TMC5: variants seen among roughly 807,000 people sequenced by gnomAD.
TMC5 encodes transmembrane channel-like protein 5.
TMC5 carries 86 observed loss-of-function variants against 110.5 expected under a neutral mutation model. The observed-to-expected ratio is 0.78, with a 90% confidence interval of 0.65 to 0.93. TMC5 has a LOEUF of 0.93. Ranked by LOEUF, TMC5 falls within the 40% of genes least tolerant of loss-of-function variation. The probability of loss-of-function intolerance (pLI) is 0.00; values close to 1 mark genes in which losing one functional copy is unlikely to be tolerated. For synonymous variants in TMC5, 455 were observed against 439.5 expected (o/e 1.04, Z -0.44); for missense variants, 1,144 against 1,222.8 (o/e 0.94, Z 0.96).
chr16:19,474,364 A>T (rs1597205918), intron 12 of TMC5, 88 bp downstream of exon 12: 2 of 1,445,796 alleles, frequency 1.4e-6, no homozygotes, highest in Non-Finnish European at 1.9e-6. Flanking sequence ...TTTAGTATCA[A>T]AGTTTTTTCT....
At chr16:19,484,561 A>G (rs1054653006) in intron 15 of TMC5, among the ~76,000 whole-genome samples, 3 of 152,188 alleles carry the variant, frequency 2.0e-5, no homozygotes, top group Non-Finnish European at 4.4e-5. Context: ...CAGGAGTTCA[A>G]GACCAGCCTG....
upstream of TMC5, among the ~76,000 whole-genome samples, chr16:19,415,472 G>C (rs1438812460): frequency 6.6e-6 from 1 of 152,098 alleles, no homozygotes; most frequent in Non-Finnish European, 1.5e-5. Flanking sequence ...ATAGAAGCCG[G>C]ACATACTGCT....
chr16:19,473,688 T>C (rs1020567331), intron 11 of TMC5, among the ~76,000 whole-genome samples: 1 of 151,968 alleles, frequency 6.6e-6, no homozygotes, highest in African/African-American at 2.4e-5. Flanking sequence ...CTTAACAAAA[T>C]AGTTAACCTA....
intron 6 of TMC5, among the ~76,000 whole-genome samples, chr16:19,462,054 G>A (rs1968037017): frequency 6.6e-6 from 1 of 152,164 alleles, no homozygotes. Context: ...AGCTAGGAAA[G>A]AACCAGAACA....
chr16:19,496,590 A>G (rs1469836691), intron 20 of TMC5, among the ~76,000 whole-genome samples: 1 of 152,088 alleles, frequency 6.6e-6, no homozygotes, highest in African/African-American at 2.4e-5. Context: ...TGCTCAGTGA[A>G]TATCTGTGGA....
chr16:19,440,156 G>A lies in TMC5; in HGVS notation c.118G>A (p.Gly40Ser), dbSNP rs368835325. Residue 40 changes from glycine to serine, a missense_variant, in exon 3 of 22, where the codon GGT becomes AGT. Coordinates refer to ENST00000542583, the MANE Select transcript of TMC5 (RefSeq NM_001261841.2). Reference protein sequence around the residue: ...LKTQGYPDVPGPLNNPDYPGT... With the variant: ...LKTQGYPDVPSPLNNPDYPGT... The stretch of plus-strand genomic sequence containing the variant: ...AACTCAAGGTTATCCAGATGTTCCA[G>A]GTCCTCTGAACAATCCAGACTACCC... The A allele has an allele frequency of 6.2e-7, 1 of 1,614,104 alleles. No individual in the cohort carries two copies. Among genetic ancestry groups the A allele is most frequent in the Non-Finnish European group, 8.5e-7 (1 of 1,180,018 alleles).
chr16:19,419,836 T>C (rs1966945115), intron 1 of TMC5, among the ~76,000 whole-genome samples: 1 of 152,132 alleles, frequency 6.6e-6, no homozygotes, highest in African/African-American at 2.4e-5. Flanking sequence ...CAATGAATCA[T>C]ATTTGCCAAG....
intron 4 of TMC5, among the ~76,000 whole-genome samples, chr16:19,446,909 CCTT>C (rs931883266): frequency 1.3e-5 from 2 of 152,124 alleles, no homozygotes; most frequent in African/African-American, 4.8e-5. Flanking sequence ...AGTGTTCACT[CCTT>C]AAGGAGAACC....
upstream of TMC5, among the ~76,000 whole-genome samples, chr16:19,413,138 G>A (rs549151305): frequency 9.9e-5 from 15 of 151,998 alleles, no homozygotes; most frequent in Non-Finnish European, 2.1e-4. Context: ...CCTACCACCC[G>A]CTTCTCATCT....
intron 18 of TMC5, among the ~76,000 whole-genome samples, chr16:19,490,921 C>A (rs1567327923): frequency 8.4e-6 from 1 of 119,670 alleles, no homozygotes; most frequent in Admixed American, 8.2e-5. Flanking sequence ...CCTTCCCCTT[C>A]TTTCTCCCTT....
At chr16:19,464,227 C>A (rs933012058) in intron 8 of TMC5, among the ~76,000 whole-genome samples, 1 of 152,158 alleles carries the variant, frequency 6.6e-6, no homozygotes, top group Non-Finnish European at 1.5e-5. Context: ...GCAGTGGAGA[C>A]CAGCCTGGGC....
chr16:19,438,457 G>GAAAGAAAGAAAGAAAT (rs1424650365), intron 2 of TMC5, among the ~76,000 whole-genome samples: 2 of 145,806 alleles, frequency 1.4e-5, no homozygotes, highest in Non-Finnish European at 3.0e-5. Context: ...AAGAAAGAAA[G>GAAAGAAAGAAAGAAAT]AAAACTCAAC....
At chr16:19,467,768 C>A (rs1968227248) in intron 9 of TMC5, among the ~76,000 whole-genome samples, 1 of 152,070 alleles carries the variant, frequency 6.6e-6, no homozygotes, top group Admixed American at 6.6e-5. Context: ...AGGCGTGAGC[C>A]ACTGCGCCCG....
intron 20 of TMC5, among the ~76,000 whole-genome samples, chr16:19,496,053 A>C (rs1303540798): frequency 6.6e-6 from 1 of 151,896 alleles, no homozygotes; most frequent in African/African-American, 2.4e-5. Flanking sequence ...GCTACTTGGG[A>C]GGCTGAAGCA....
intron 1 of TMC5, among the ~76,000 whole-genome samples, chr16:19,424,937 T>G (rs72783389): frequency 0.021 from 3,253 of 152,330 alleles, 51 homozygotes; most frequent in Non-Finnish European, 0.034. Flanking sequence ...TTGGTCTTTC[T>G]GGTGAGCAGC....
intron 8 of TMC5, among the ~76,000 whole-genome samples, chr16:19,465,398 G>T (rs1053808741): frequency 6.6e-6 from 1 of 152,032 alleles, no homozygotes; most frequent in African/African-American, 2.4e-5. Flanking sequence ...GCCGGATGTG[G>T]TGGCAGAAGC....
chr16:19,479,062 G>C (rs565958088), intron 13 of TMC5, among the ~76,000 whole-genome samples: 14 of 152,288 alleles, frequency 9.2e-5, no homozygotes, highest in African/African-American at 2.9e-4. Flanking sequence ...AAGAGTGAAG[G>C]CATTCTTAGC....
intron 17 of TMC5, among the ~76,000 whole-genome samples, 170 bp downstream of exon 17, chr16:19,487,496 G>A (rs959767956): frequency 1.3e-4 from 20 of 152,152 alleles, no homozygotes; most frequent in African/African-American, 4.8e-4. Context: ...GAGGCCAGGA[G>A]TTCAGGACCA....
In TMC5 at chr16:19,440,409, G is replaced by C. The variant is rs1272613841; in HGVS notation, c.371G>C (p.Arg124Thr). Residue 124 changes from arginine (R) to threonine (T), a missense_variant, in exon 3 of 22, where the codon AGA becomes ACA. Transcript: ENST00000542583. ...QSHPYHRASS[R>T]QPDYPGSQRN... ...CATCCCTACCACCGAGCATCATCCA[G>C]ACAACCAGACTACCCTGGATCTCAA... 6.2e-7 allele frequency: 1 copy of C among 1,614,040 alleles called. No homozygotes were observed.
Sources: gnomAD v4.1 joint callset for allele counts (sites outside exome capture counted in the v4.1 genomes callset) on GRCh38, gnomAD v4.1.1 for gene constraint, MANE v1.5 for transcripts, NCBI Gene and HGNC (gene_info 2026-07-23, HGNC 2026-07-21) for gene names.